Variants in NXNL2 observed in about 807,000 individuals in gnomAD.
The protein encoded by NXNL2 is nucleoredoxin like 2.
In NXNL2, 7 loss-of-function variants were observed where a neutral mutation model predicts 11.1. The observed-to-expected ratio is 0.63, with a 90% CI of 0.36 to 1.18. NXNL2 has a LOEUF of 1.18. Ranked by LOEUF, NXNL2 falls within the 50% of genes most tolerant of loss-of-function variation. The pLI, the probability that NXNL2 is intolerant of heterozygous loss-of-function variation, is 0.02. For missense variants in NXNL2, 233 were observed against 217.7 expected (o/e 1.07, Z -0.44); for synonymous variants, 109 against 101.8 (o/e 1.07, Z -0.42).
chr9:88,573,972 A>G (rs970366547), intron 2 of NXNL2, among the ~76,000 whole-genome samples: 1 of 152,228 alleles, frequency 6.6e-6, no homozygotes, highest in African/African-American at 2.4e-5. Flanking sequence ...ACTGTTAATA[A>G]CAAGTATTGG....
chr9:88,542,795 G>A (rs947801988), intron 1 of NXNL2, among the ~76,000 whole-genome samples: 3 of 152,146 alleles, frequency 2.0e-5, no homozygotes, highest in African/African-American at 7.2e-5. Context: ...TCCTGCTTGA[G>A]TGATGGTGTG....
intron 1 of NXNL2, among the ~76,000 whole-genome samples, chr9:88,566,814 T>C (rs1053133927): frequency 6.6e-6 from 1 of 152,222 alleles, no homozygotes; most frequent in African/African-American, 2.4e-5. Context: ...TTTCATCTTT[T>C]TAGTTACGTT....
chr9:88,544,816 T>G lies in NXNL2; in HGVS notation c.*269T>G. 8.7e-7 allele frequency: 1 copy of G among 1,153,152 alleles called. No homozygotes were observed. Among genetic ancestry groups the G allele is most frequent in the Middle Eastern group, 3.6e-4 (1 of 2,752 alleles). The allele number at this position is 1,153,152 out of a possible 1,614,324, so 71.4% of individuals were successfully genotyped here. ...TGCTTAAGGAAGGATCCTCATATGT[T>G]CATACTGAGCTGTTGGAAATCTATG... On this transcript the variant is annotated 3_prime_UTR_variant, in exon 2 of 2. Coordinates refer to ENST00000375854, the MANE Select transcript of NXNL2 (RefSeq NM_001161625.2).
At chr9:88,582,427 C>T (rs890613756) in intron 1 of NXNL2, among the ~76,000 whole-genome samples, 10 of 151,976 alleles carry the variant, frequency 6.6e-5, no homozygotes, top group African/African-American at 2.2e-4. Context: ...CGAGATCGCA[C>T]CACTGCACTC....
chr9:88,576,148 T>C (rs184179457), downstream of NXNL2, among the ~76,000 whole-genome samples: 1,220 of 152,350 alleles, frequency 8.0e-3, 19 homozygotes, highest in African/African-American at 0.028. Flanking sequence ...TGAGCCGAGA[T>C]TGTGCCACTG....
chr9:88,566,973 C>CATCTATCTATCT (rs371496393), intron 1 of NXNL2, among the ~76,000 whole-genome samples: 3,468 of 123,520 alleles, frequency 0.028, 59 homozygotes, highest in Non-Finnish European at 0.03. Flanking sequence ...TATTATCTAT[C>CATCTATCTATCT]ATCTATCTAT....
At chr9:88,583,601 G>T (rs1393645566) in intron 1 of NXNL2, among the ~76,000 whole-genome samples, 1 of 152,162 alleles carries the variant, frequency 6.6e-6, no homozygotes, top group African/African-American at 2.4e-5. Context: ...TGATGCTTTG[G>T]GATGAAAGCT....
Position 88,544,706 on chromosome 9 carries a change from G to T in NXNL2, c.*159G>T. 1 of 1,402,968 alleles carries T rather than the reference G, an allele frequency of 7.1e-7. No individual in the cohort carries two copies. Among genetic ancestry groups the T allele is most frequent in the Non-Finnish European group, 9.2e-7 (1 of 1,081,624 alleles). The allele number at this position is 1,402,968 out of a possible 1,614,324, so 86.9% of individuals were successfully genotyped here. A position where few individuals can be genotyped will look rare whatever the true frequency, so the allele number is the denominator to read the frequency against. The stretch of plus-strand genomic sequence containing the variant: ...TGGTCAAAAAGCAACTATTGCTCAG[G>T]AAATAATACACTCCATATTTTGATC... On this transcript the variant is annotated 3_prime_UTR_variant, in exon 2 of 2. Coordinates refer to ENST00000375854, the MANE Select transcript of NXNL2 (RefSeq NM_001161625.2).
In NXNL2 at chr9:88,544,941, A is replaced by G. The variant is rs1367152771; in HGVS notation, c.*394A>G. ...ATTTTAATGGTATGCTTTCACAACT[A>G]TCTTAATAAAGTTTGCAAGCTGTGT... On this transcript the variant is annotated 3_prime_UTR_variant, in exon 2 of 2. Transcript: ENST00000375854. 1.5e-5 allele frequency: 15 copies of G among 971,686 alleles called. No homozygotes were observed. The highest frequency in any genetic ancestry group is 2.2e-4 in the East Asian group (2 of 8,894). The allele number at this position is 971,686 out of a possible 1,614,324, so 60.2% of individuals were successfully genotyped here. A position where few individuals can be genotyped will look rare whatever the true frequency, so the allele number is the denominator to read the frequency against.
chr9:88,581,654 C>A (rs1830409785), intron 1 of NXNL2, among the ~76,000 whole-genome samples: 1 of 152,146 alleles, frequency 6.6e-6, no homozygotes, highest in African/African-American at 2.4e-5. Context: ...CGGGGTTTCT[C>A]CATGTTCGTC....
chr9:88,571,207 A>G (rs1283492223), exon 2 of NXNL2: 1 of 268,896 alleles, frequency 3.7e-6, no homozygotes, highest in Non-Finnish European at 7.3e-6. Flanking sequence ...CTGGGACTAC[A>G]GGTGCGTGCC....
At chr9:88,538,130 A>G (rs1011291933) in intron 1 of NXNL2, among the ~76,000 whole-genome samples, 4 of 152,180 alleles carry the variant, frequency 2.6e-5, no homozygotes, top group African/African-American at 9.7e-5. Context: ...TTGAGATGAC[A>G]TTAGGGAAAA....
At chr9:88,548,065 G>A (rs1829868891), downstream of NXNL2, among the ~76,000 whole-genome samples, 2 of 144,634 alleles carry the variant, frequency 1.4e-5, no homozygotes, top group South Asian at 4.6e-4. Context: ...TGAGTCAGGT[G>A]TGGTGGCTCA....
intron 2 of NXNL2, among the ~76,000 whole-genome samples, chr9:88,572,686 G>A (rs1200366826): frequency 1.3e-5 from 2 of 152,196 alleles, no homozygotes; most frequent in African/African-American, 4.8e-5. Flanking sequence ...AGGTGAGGCT[G>A]AGCCTCGCTT....
chr9:88,542,668 A>G (rs938728847), intron 1 of NXNL2, among the ~76,000 whole-genome samples: 1 of 152,202 alleles, frequency 6.6e-6, no homozygotes, highest in Non-Finnish European at 1.5e-5. Flanking sequence ...GACCACTTGA[A>G]ATTCATTAAT....
At chr9:88,573,643 G>T (rs1830306880) in intron 2 of NXNL2, among the ~76,000 whole-genome samples, 1 of 152,200 alleles carries the variant, frequency 6.6e-6, no homozygotes, top group African/African-American at 2.4e-5. Context: ...GTAGACTGGT[G>T]GTTGCCAAGA....
intron 1 of NXNL2, among the ~76,000 whole-genome samples, chr9:88,559,718 C>A (rs1272778154): frequency 2.0e-5 from 3 of 152,340 alleles, no homozygotes; most frequent in Non-Finnish European, 2.9e-5. Flanking sequence ...CACTTCAGAA[C>A]AATCACGACC....
chr9:88,541,204 C>G (rs1829753301), intron 1 of NXNL2, among the ~76,000 whole-genome samples: 1 of 150,564 alleles, frequency 6.6e-6, no homozygotes, highest in African/African-American at 2.5e-5. Flanking sequence ...GTGTAATGAC[C>G]AGGCTGGCCT....
intron 1 of NXNL2, among the ~76,000 whole-genome samples, chr9:88,538,909 A>G (rs1350675123): frequency 6.6e-6 from 1 of 152,036 alleles, no homozygotes; most frequent in Admixed American, 6.6e-5. Context: ...GCAGGAGGTT[A>G]ACTAGCCTGC....
Sources: allele counts gnomAD v4.1 joint callset (sites outside exome capture counted in the v4.1 genomes callset), GRCh38; gene constraint gnomAD v4.1.1; transcripts MANE v1.5; gene names NCBI Gene and HGNC (gene_info 2026-07-23, HGNC 2026-07-21).